The following KBTBD12 variants were observed in gnomAD, a reference collection of about 807,000 sequenced individuals.
The protein encoded by KBTBD12 is kelch repeat and BTB domain containing 12, also known as kelch repeat and BTB domain-containing protein 12.
KBTBD12 carries 53 observed loss-of-function variants against 58.7 expected under a neutral mutation model. The observed-to-expected ratio is 0.90, with a 90% CI of 0.72 to 1.14. The LOEUF (loss-of-function observed/expected upper bound fraction) is 1.14. KBTBD12 is among the 50% of genes most tolerant of loss of function. KBTBD12 has a pLI of 0.00. For synonymous variants in KBTBD12, 236 were observed against 259.8 expected, an observed-to-expected ratio of 0.91 and a Z score of 0.88; for missense variants, 704 against 751.3, an observed-to-expected ratio of 0.94 and a Z score of 0.74.
rs1311561790 is a variant in KBTBD12, at chr3:127,915,397, G to C, written c.-302G>C. 1.3e-5 allele frequency: 2 copies of C among 152,768 alleles called. No individual in the cohort carries two copies. The highest frequency in any genetic ancestry group is 6.5e-5 in the Admixed American group (1 of 15,292). The allele number at this position is 152,768 out of a possible 1,614,324, so 9.5% of individuals were successfully genotyped here. ...AGCAGAGGGCAGCACCTGTCCCCTC[G>C]GAGGCGCTGCCAGCGCCCTCCCTCC... On this transcript the variant is annotated 5_prime_UTR_variant, in exon 1 of 6. Transcript: ENST00000405109.
intron 5 of KBTBD12, among the ~76,000 whole-genome samples, chr3:127,974,327 C>T (rs1940738360): frequency 6.6e-6 from 1 of 152,172 alleles, no homozygotes; most frequent in South Asian, 2.1e-4. Context: ...CTGTCTCATG[C>T]TTTCCTTTCT....
At chr3:127,937,988 C>A (rs927265550) in intron 4 of KBTBD12, among the ~76,000 whole-genome samples, 2 of 152,022 alleles carry the variant, frequency 1.3e-5, no homozygotes, top group Admixed American at 1.3e-4. Flanking sequence ...GAAATAAAGA[C>A]ATTTTCAGAT....
intron 4 of KBTBD12, among the ~76,000 whole-genome samples, chr3:127,948,481 A>G (rs1315934288): frequency 6.6e-6 from 1 of 152,214 alleles, no homozygotes; most frequent in African/African-American, 2.4e-5. Flanking sequence ...ACCCTCCCCC[A>G]TGGGGTGGCT....
chr3:127,969,156 A>G (rs1029017574), intron 5 of KBTBD12, among the ~76,000 whole-genome samples: 1 of 152,242 alleles, frequency 6.6e-6, no homozygotes, highest in Non-Finnish European at 1.5e-5. Context: ...TGCATATGAC[A>G]TAATCATTTT....
chr3:127,937,026 A>G (rs2107596720), intron 4 of KBTBD12, among the ~76,000 whole-genome samples: 1 of 152,292 alleles, frequency 6.6e-6, no homozygotes, highest in Non-Finnish European at 1.5e-5. Flanking sequence ...GGTACCTGGA[A>G]AAAGCAAATT....
intron 1 of KBTBD12, 95 bp from the exon 2 acceptor site, chr3:127,922,855 T>A: frequency 2.2e-6 from 1 of 450,148 alleles, no homozygotes. Flanking sequence ...GTGAATAATA[T>A]CTGTTTATAA....
chr3:127,979,003 CT>C (rs1305269874), intron 5 of KBTBD12, among the ~76,000 whole-genome samples: 1 of 152,188 alleles, frequency 6.6e-6, no homozygotes, highest in Non-Finnish European at 1.5e-5. Context: ...CCTAAACTGT[CT>C]ACCAAAGCCT....
intron 1 of KBTBD12, among the ~76,000 whole-genome samples, chr3:127,920,844 A>T (rs1057375385): frequency 6.6e-6 from 1 of 151,784 alleles, no homozygotes; most frequent in Non-Finnish European, 1.5e-5. Context: ...TATTACTATG[A>T]GTACTATTAT....
intron 4 of KBTBD12, among the ~76,000 whole-genome samples, chr3:127,948,441 C>T (rs953520677): frequency 6.6e-6 from 1 of 152,182 alleles, no homozygotes; most frequent in Non-Finnish European, 1.5e-5. Context: ...TACAGTGTTT[C>T]CTTATCTCTT....
At chr3:127,935,972 G>A (rs1353308531) in intron 4 of KBTBD12, among the ~76,000 whole-genome samples, 2 of 151,976 alleles carry the variant, frequency 1.3e-5, no homozygotes, top group Non-Finnish European at 2.9e-5. Flanking sequence ...CAGACAAACA[G>A]GAAAATTTCA....
At chr3:127,949,288 C>T (rs1029742737) in intron 4 of KBTBD12, among the ~76,000 whole-genome samples, 12 of 152,096 alleles carry the variant, frequency 7.9e-5, no homozygotes, top group East Asian at 1.9e-4. Flanking sequence ...TGTTACCTGA[C>T]GGTAGTTTTG....
intron 3 of KBTBD12, 39 bp downstream of exon 3, chr3:127,928,073 A>G: frequency 6.4e-7 from 1 of 1,554,690 alleles, no homozygotes; most frequent in Non-Finnish European, 8.9e-7. Context: ...GCATGGCTAT[A>G]CTGAGTCTGG....
At chr3:127,944,599 T>C (rs934294063) in intron 4 of KBTBD12, among the ~76,000 whole-genome samples, 1 of 152,218 alleles carries the variant, frequency 6.6e-6, no homozygotes, top group Admixed American at 6.5e-5. Flanking sequence ...TGTCTATATG[T>C]AGGATCATGT....
At position 127,923,462 on chromosome 3, in the gene KBTBD12, T is replaced by C; in HGVS notation, c.401T>C (p.Leu134Ser). The C allele has an allele frequency of 6.2e-7, 1 of 1,611,320 alleles. No homozygotes were observed. The highest frequency in any genetic ancestry group is 8.5e-7 in the Non-Finnish European group (1 of 1,179,440). ...GACCACATGGATGCCTCCAACTGTT[T>C]AGGTATCTATTATTTTGCAAAGCAG... ...MMDHMDASNC[L>S]GIYYFAKQIG... Residue 134 changes from leucine (L) to serine (S), a missense_variant, in exon 2 of 6, where the codon TTA becomes TCA. Physicochemically the swap from Leu to Ser is moderately radical, Grantham distance 145. Transcript: ENST00000405109.
In KBTBD12 at chr3:127,916,401, C is replaced by A. The variant is rs148961404; in HGVS notation, c.-113+815C>A. ...GCTGAAACAAAATAGGGTGTGGAGA[C>A]GTAATCGTATAAACTGGGGGTCACA... On this transcript the variant is annotated intron_variant, in intron 1 of 5. Transcript: ENST00000405109. Among the ~76,000 whole-genome samples the A allele has an allele frequency of 3.9e-5, 6 of 152,102 alleles. No individual in the cohort carries two copies. The East Asian group carries it at 1.2e-3, about 29-fold the overall frequency.
intron 3 of KBTBD12, among the ~76,000 whole-genome samples, chr3:127,928,340 T>A (rs1328383500): frequency 6.6e-6 from 1 of 152,160 alleles, no homozygotes; most frequent in Non-Finnish European, 1.5e-5. Context: ...AGCATCTAAC[T>A]AGGAGGAAGA....
intron 5 of KBTBD12, among the ~76,000 whole-genome samples, chr3:127,967,688 A>G (rs1224925434): frequency 1.3e-5 from 2 of 152,198 alleles, no homozygotes; most frequent in Non-Finnish European, 2.9e-5. Flanking sequence ...AAGGAATAAG[A>G]CTTGTAAAGC....
intron 4 of KBTBD12, among the ~76,000 whole-genome samples, chr3:127,944,506 C>T (rs553638900): frequency 5.9e-5 from 9 of 152,236 alleles, no homozygotes; most frequent in African/African-American, 2.2e-4. Flanking sequence ...AAGAATGCAA[C>T]TGATTTTTGT....
At chr3:127,931,487 C>G (rs2107593952) in intron 4 of KBTBD12, among the ~76,000 whole-genome samples, 1 of 152,182 alleles carries the variant, frequency 6.6e-6, no homozygotes, top group African/African-American at 2.4e-5. Flanking sequence ...AGATGTATCA[C>G]TCAAGGGGAT....
Sources: allele counts gnomAD v4.1 joint callset (sites outside exome capture counted in the v4.1 genomes callset), GRCh38; gene constraint gnomAD v4.1.1; transcripts MANE v1.5; gene names NCBI Gene and HGNC (gene_info 2026-07-23, HGNC 2026-07-21).